MAP4K4: variants seen among roughly 807,000 people sequenced by gnomAD.
MAP4K4 encodes HPK/GCK-like kinase HGK.
In MAP4K4, 38 loss-of-function variants were observed where a neutral mutation model predicts 189.6. The observed-to-expected ratio is 0.20, with a 90% CI of 0.15 to 0.26. MAP4K4 has a LOEUF of 0.26. Among genes scored for constraint, MAP4K4 ranks in the 10% least tolerant of loss-of-function variants. The pLI is 1.00. For missense variants in MAP4K4, 1,054 were observed against 1,726.9 expected, an observed-to-expected ratio of 0.61 and a Z score of 6.91; for synonymous variants, 610 against 624.3, an observed-to-expected ratio of 0.98 and a Z score of 0.34.
intron 2 of MAP4K4, among the ~76,000 whole-genome samples, chr2:101,719,555 GA>G (rs1217979491): frequency 2.6e-5 from 4 of 152,194 alleles, no homozygotes; most frequent in Middle Eastern, 3.2e-3. Flanking sequence ...GAAAGAGGGG[GA>G]AAGTGGGCAG....
Position 101,831,992 on chromosome 2 carries a change from A to T in MAP4K4, c.639+141A>T, listed in dbSNP as rs986133485. 5.5e-6 allele frequency: 5 copies of T among 913,574 alleles called. No homozygotes were observed. In the South Asian group the frequency reaches 8.8e-5, roughly 16 times the overall value. The allele number at this position is 913,574 out of a possible 1,614,324, so 56.6% of individuals were successfully genotyped here. ...TTCAGTGAGGAAAATTGCAGGTGCA[A>T]ATTTTCCAGGACAGTATTCAGATGC... On this transcript the variant is annotated intron_variant, in intron 7 of 32. Transcript: ENST00000324219.
chr2:101,698,505 G>A (rs751075885), exon 2 of MAP4K4: 1 of 1,613,810 alleles, frequency 6.2e-7, no homozygotes, highest in African/African-American at 1.3e-5. Flanking sequence ...TGGTGGAAGT[G>A]GTTGGAAATG....
rs1312390105 is a variant in MAP4K4, at chr2:101,882,699, G to A, written c.3520+14G>A. ...ATTATAAAGTTGGTAAGTTCTAGAA[G>A]CGTCATATTTTGTTTTTCCAGAGTT... On this transcript the variant is annotated intron_variant, in intron 28 of 32. Coordinates refer to ENST00000324219, the Ensembl canonical transcript of MAP4K4. 6.5e-7 allele frequency: 1 copy of A among 1,532,612 alleles called. No individual in the cohort carries two copies. The allele number at this position is 1,532,612 out of a possible 1,614,324, so 94.9% of individuals were successfully genotyped here.
At chr2:101,787,586 T>C (rs911635307) in intron 2 of MAP4K4, among the ~76,000 whole-genome samples, 4 of 152,122 alleles carry the variant, frequency 2.6e-5, no homozygotes, top group African/African-American at 9.7e-5. Flanking sequence ...TGGGTGGTAT[T>C]GAATAAATCA....
At chr2:101,727,884 A>G (rs1429857674) in intron 2 of MAP4K4, among the ~76,000 whole-genome samples, 2 of 152,142 alleles carry the variant, frequency 1.3e-5, no homozygotes, top group South Asian at 2.1e-4. Context: ...CAGGAGGATC[A>G]CTTGAACCCA....
intron 3 of MAP4K4, among the ~76,000 whole-genome samples, chr2:101,818,141 G>C (rs2095832739): frequency 6.6e-6 from 1 of 152,096 alleles, no homozygotes; most frequent in Admixed American, 6.5e-5. Context: ...GGATTTACCA[G>C]GTAAAAAGTA....
intron 2 of MAP4K4, among the ~76,000 whole-genome samples, chr2:101,722,332 G>T (rs1395174409): frequency 1.3e-5 from 2 of 152,078 alleles, no homozygotes; most frequent in Admixed American, 1.3e-4. Context: ...TACTGGAATT[G>T]GCCAATTTTG....
At chr2:101,793,149 A>G (rs2093206899) in intron 3 of MAP4K4, among the ~76,000 whole-genome samples, 1 of 152,250 alleles carries the variant, frequency 6.6e-6, no homozygotes, top group Non-Finnish European at 1.5e-5. Flanking sequence ...CTCCTTTAAA[A>G]GCAATTATTG....
At chr2:101,729,148 C>T (rs1418700426) in intron 2 of MAP4K4, among the ~76,000 whole-genome samples, 1 of 147,640 alleles carries the variant, frequency 6.8e-6, no homozygotes, top group South Asian at 2.2e-4. Flanking sequence ...CCCACTCTCC[C>T]TCCCTATCCT....
exon 6 of MAP4K4, chr2:101,829,552 G>A (rs1228631035): frequency 6.2e-7 from 1 of 1,611,924 alleles, no homozygotes; most frequent in Non-Finnish European, 8.5e-7. Context: ...GGATATCAAG[G>A]GCCAGAATGT....
At chr2:101,730,950 G>A (rs1321286362) in intron 2 of MAP4K4, among the ~76,000 whole-genome samples, 2 of 151,582 alleles carry the variant, frequency 1.3e-5, no homozygotes, top group African/African-American at 4.8e-5. Flanking sequence ...GGGAGCCTGC[G>A]CAGGAGAATA....
Position 101,813,688 on chromosome 2 carries a change from T to G in MAP4K4, c.181-10240T>G, listed in dbSNP as rs138865874. On this transcript the variant is annotated intron_variant, in intron 3 of 32. Transcript: ENST00000324219. ...GATATGGGACACATTTTTATGAGTTTCTGTGGTGGTGGAGTATAAAGCATC... is the reference window on the plus strand; with the variant it reads ...GATATGGGACACATTTTTATGAGTTGCTGTGGTGGTGGAGTATAAAGCATC... Among the ~76,000 whole-genome samples, 498 of 152,352 alleles carry G rather than the reference T, an allele frequency of 3.3e-3. 3 individuals are homozygous for G. The highest frequency in any genetic ancestry group is 0.011 in the African/African-American group (464 of 41,588).
intron 2 of MAP4K4, among the ~76,000 whole-genome samples, chr2:101,784,065 A>T (rs924462992): frequency 6.6e-6 from 1 of 152,136 alleles, no homozygotes; most frequent in African/African-American, 2.4e-5. Context: ...TCCTTTGATG[A>T]TCTTCAGTGC....
intron 2 of MAP4K4, among the ~76,000 whole-genome samples, chr2:101,759,341 T>A (rs2074574444): frequency 6.6e-6 from 1 of 152,002 alleles, no homozygotes; most frequent in Admixed American, 6.5e-5. Context: ...TCCTTGGCAT[T>A]TCCTCTGAGT....
chr2:101,852,859 T>A (rs1257759006), intron 12 of MAP4K4, among the ~76,000 whole-genome samples: 1 of 152,152 alleles, frequency 6.6e-6, no homozygotes, highest in African/African-American at 2.4e-5. Flanking sequence ...AAACTGAGTA[T>A]GTGGTGAAAG....
At chr2:101,819,441 G>A (rs1205974026) in intron 3 of MAP4K4, among the ~76,000 whole-genome samples, 2 of 152,126 alleles carry the variant, frequency 1.3e-5, no homozygotes, top group African/African-American at 2.4e-5. Flanking sequence ...CTTCAAGTGG[G>A]CACTCATAAT....
intron 3 of MAP4K4, among the ~76,000 whole-genome samples, chr2:101,800,674 C>CCATGGTTTGT (rs1179583137): frequency 3.9e-4 from 60 of 152,148 alleles, no homozygotes; most frequent in African/African-American, 1.2e-3. Flanking sequence ...CAAATGTATA[C>CCATGGTTTGT]CATGGTTTGT....
chr2:101,715,053 A>G (rs2047672915), intron 2 of MAP4K4, among the ~76,000 whole-genome samples: 1 of 152,208 alleles, frequency 6.6e-6, no homozygotes, highest in African/African-American at 2.4e-5. Flanking sequence ...ACAAAAGGTC[A>G]CAGGCTGGGG....
intron 12 of MAP4K4, among the ~76,000 whole-genome samples, chr2:101,846,580 G>A (rs767211100): frequency 6.6e-5 from 10 of 152,178 alleles, no homozygotes; most frequent in Admixed American, 3.3e-4. Flanking sequence ...GAAGGTGAGC[G>A]ATGGCTCACA....
Sources: allele counts gnomAD v4.1 joint callset (sites outside exome capture counted in the v4.1 genomes callset), GRCh38; gene constraint gnomAD v4.1.1; transcripts MANE v1.5; gene names NCBI Gene and HGNC (gene_info 2026-07-23, HGNC 2026-07-21).